The following ANKRD17 variants were observed in gnomAD, a reference collection of about 807,000 sequenced individuals.
ANKRD17 encodes ankyrin repeat domain-containing protein 17.
A neutral mutation model predicts 229.7 loss-of-function variants in ANKRD17; 19 were observed. The ratio of observed to expected loss-of-function variants is 0.08; its 90% CI spans 0.06 to 0.12. The LOEUF (loss-of-function observed/expected upper bound fraction) is 0.12, where lower values mean the gene tolerates loss of function less well. Among genes scored for constraint, ANKRD17 ranks in the 10% least tolerant of loss-of-function variants. The pLI is 1.00. For missense variants in ANKRD17, 2,176 were observed against 3,176.8 expected (o/e 0.68, Z 7.57); for synonymous variants, 1,112 against 1,146.1 (o/e 0.97, Z 0.60).
intron 22 of ANKRD17, among the ~76,000 whole-genome samples, chr4:73,118,336 A>G (rs1343035554): frequency 6.6e-6 from 1 of 152,060 alleles, no homozygotes; most frequent in Non-Finnish European, 1.5e-5. Context: ...CTGTAGTGGT[A>G]ATACAAGAAA....
chr4:73,198,570 A>G (rs910043273), intron 1 of ANKRD17, among the ~76,000 whole-genome samples: 5 of 152,202 alleles, frequency 3.3e-5, no homozygotes, highest in Non-Finnish European at 7.3e-5. Flanking sequence ...AGGAGAAAGA[A>G]AAATTAAATG....
intron 8 of ANKRD17, 93 bp downstream of exon 8, chr4:73,148,720 A>T: frequency 2.6e-6 from 3 of 1,140,048 alleles, no homozygotes; most frequent in Non-Finnish European, 2.6e-6. Context: ...TTGCAACTCT[A>T]CTAGAAAGGT....
chr4:73,119,756 AT>A (rs768058012), intron 21 of ANKRD17, among the ~76,000 whole-genome samples: 2 of 152,212 alleles, frequency 1.3e-5, no homozygotes, highest in East Asian at 1.9e-4. Flanking sequence ...CTGTCTGTTT[AT>A]CTTAAATAGT....
Position 73,226,391 on chromosome 4 carries a change from T to A in ANKRD17, c.393+31885A>T, listed in dbSNP as rs1016823567. Among the ~76,000 whole-genome samples, 678 of 129,716 alleles carry A rather than the reference T, an allele frequency of 5.2e-3. 5 individuals are homozygous for A. Among genetic ancestry groups the A allele is most frequent in the Non-Finnish European group, 8.4e-3 (511 of 60,742 alleles). The allele number at this position is 129,716 out of a possible 152,430, so 85.1% of individuals were successfully genotyped here. A position where few individuals can be genotyped will look rare whatever the true frequency, so the allele number is the denominator to read the frequency against. On this transcript the variant is annotated intron_variant, in intron 1 of 33. Transcript: ENST00000358602. ...ATAGTAATAATTTCTTTTCTTCTGT[T>A]TTTTTTTTTTTTTTTTTTTTTGAGA...
intron 24 of ANKRD17, among the ~76,000 whole-genome samples, chr4:73,105,751 G>A (rs1405882813): frequency 6.6e-6 from 1 of 152,170 alleles, no homozygotes; most frequent in Non-Finnish European, 1.5e-5. Flanking sequence ...AAGACATAGA[G>A]ATTATTATAA....
At chr4:73,184,539 A>G (rs1268226639) in intron 1 of ANKRD17, among the ~76,000 whole-genome samples, 1 of 149,522 alleles carries the variant, frequency 6.7e-6, no homozygotes, top group Non-Finnish European at 1.5e-5. Flanking sequence ...AAAAAAAAAA[A>G]AAAAAAAAAA....
chr4:73,187,043 A>C (rs1354865991), intron 1 of ANKRD17, among the ~76,000 whole-genome samples: 2 of 152,186 alleles, frequency 1.3e-5, no homozygotes, highest in Non-Finnish European at 2.9e-5. Flanking sequence ...AAGGATATAA[A>C]GTCTAGAAAA....
At chr4:73,094,683 ATATATATGTATATACG>A (rs1723112771) in intron 27 of ANKRD17, among the ~76,000 whole-genome samples, 1 of 149,328 alleles carries the variant, frequency 6.7e-6, no homozygotes, top group Non-Finnish European at 1.5e-5. Context: ...ATATATAGAC[ATATATATGTATATACG>A]TATAATATAT....
chr4:73,121,124 G>A (rs889693313), intron 19 of ANKRD17, 30 bp from the exon 20 acceptor site: 3 of 1,542,908 alleles, frequency 1.9e-6, no homozygotes, highest in Non-Finnish European at 2.7e-6. Flanking sequence ...GAAAACAAAT[G>A]GAAAAATATA....
intron 21 of ANKRD17, 92 bp from the exon 22 acceptor site, chr4:73,118,942 A>T: frequency 7.5e-7 from 1 of 1,338,124 alleles, no homozygotes; most frequent in Non-Finnish European, 1.0e-6. Context: ...GCTGGAGTGC[A>T]GTGGTGAGAT....
intron 1 of ANKRD17, among the ~76,000 whole-genome samples, chr4:73,255,697 C>T (rs1216937277): frequency 1.3e-5 from 2 of 151,954 alleles, no homozygotes; most frequent in Non-Finnish European, 2.9e-5. Flanking sequence ...CTGCTCATCC[C>T]TCATCTGTAT....
rs575159572 is a variant in ANKRD17 at position 73,145,568 on chromosome 4, A to G, written c.1870-736T>C. ...AAAAAGCCTTCACATCTGATGAACA[A>G]TTTCTGATTTTTCTCTTAAGCCATA... On this transcript the variant is annotated intron_variant, in intron 10 of 33. Coordinates refer to ENST00000358602, the MANE Select transcript of ANKRD17 (RefSeq NM_032217.5). Among the ~76,000 whole-genome samples the G allele has an allele frequency of 3.9e-5, 6 of 152,140 alleles. No homozygotes were observed. In the South Asian group the frequency reaches 1.2e-3, roughly 32 times the overall value.
At chr4:73,200,672 C>T (rs553273226) in intron 1 of ANKRD17, among the ~76,000 whole-genome samples, 99 of 152,050 alleles carry the variant, frequency 6.5e-4, no homozygotes, top group Non-Finnish European at 1.1e-3. Context: ...TTCTAAATGC[C>T]ATTAGTTTTT....
chr4:73,129,148 T>C (rs1727851145), intron 16 of ANKRD17, among the ~76,000 whole-genome samples: 1 of 152,220 alleles, frequency 6.6e-6, no homozygotes, highest in Non-Finnish European at 1.5e-5. Context: ...TTCAGGTTTC[T>C]ATTCTAAAGA....
intron 1 of ANKRD17, among the ~76,000 whole-genome samples, chr4:73,225,657 G>T (rs1049884112): frequency 6.6e-6 from 1 of 151,790 alleles, no homozygotes; most frequent in Non-Finnish European, 1.5e-5. Flanking sequence ...TCAGGAGTTC[G>T]AGAAGAGTCT....
At chr4:73,193,940 C>CA (rs1264168247) in intron 1 of ANKRD17, among the ~76,000 whole-genome samples, 1 of 151,980 alleles carries the variant, frequency 6.6e-6, no homozygotes, top group African/African-American at 2.4e-5. Context: ...TCAAAAACAA[C>CA]AACAAAAAAA....
intron 1 of ANKRD17, among the ~76,000 whole-genome samples, chr4:73,194,857 GTTTT>G (rs915187703): frequency 6.6e-6 from 1 of 151,214 alleles, no homozygotes; most frequent in Non-Finnish European, 1.5e-5. Context: ...CTCATTAACT[GTTTT>G]TTTTAGTTTT....
chr4:73,210,388 C>A (rs1214637123), intron 1 of ANKRD17, among the ~76,000 whole-genome samples: 1 of 151,964 alleles, frequency 6.6e-6, no homozygotes, highest in Non-Finnish European at 1.5e-5. Context: ...ATTTATAAGA[C>A]CTGAACAGTG....
At chr4:73,155,260 A>C (rs1436509956) in intron 5 of ANKRD17, among the ~76,000 whole-genome samples, 1 of 152,112 alleles carries the variant, frequency 6.6e-6, no homozygotes, top group Non-Finnish European at 1.5e-5. Flanking sequence ...GAAACAATGA[A>C]CTATCCTTTT....
Sources: gnomAD v4.1 joint callset for allele counts (sites outside exome capture counted in the v4.1 genomes callset) on GRCh38, gnomAD v4.1.1 for gene constraint, MANE v1.5 for transcripts, NCBI Gene and HGNC (gene_info 2026-07-23, HGNC 2026-07-21) for gene names.